ROBO1: variants seen among roughly 807,000 people sequenced by gnomAD.
ROBO1 encodes roundabout guidance receptor 1, also known as roundabout homolog 1.
ROBO1 carries 149 observed loss-of-function variants against 195.9 expected under a neutral mutation model. The observed-to-expected ratio is 0.76, with a 90% CI of 0.67 to 0.87. The LOEUF (loss-of-function observed/expected upper bound fraction) is 0.87. Among genes scored for constraint, ROBO1 ranks in the 40% least tolerant of loss-of-function variants. ROBO1 has a pLI of 0.00. For synonymous variants in ROBO1, 816 were observed against 733.2 expected (o/e 1.11, Z -1.82); for missense variants, 1,933 against 2,068.3 (o/e 0.93, Z 1.27).
chr3:79,372,344 T>C (rs1488876096), intron 2 of ROBO1, among the ~76,000 whole-genome samples: 2 of 152,010 alleles, frequency 1.3e-5, no homozygotes, highest in East Asian at 3.9e-4. Flanking sequence ...GTAGCTGGGA[T>C]TACAGGTGGA....
chr3:79,265,935 C>T (rs975737605), intron 2 of ROBO1, among the ~76,000 whole-genome samples: 4 of 151,146 alleles, frequency 2.6e-5, no homozygotes, highest in Admixed American at 2.0e-4. Context: ...TGAAACAACA[C>T]TAATCCATGA....
chr3:79,607,372 T>C (rs1490405280), intron 1 of ROBO1, among the ~76,000 whole-genome samples: 8 of 151,612 alleles, frequency 5.3e-5, no homozygotes, highest in Admixed American at 5.3e-4. Context: ...GCCTTTAAGT[T>C]ACCCAGTGAG....
At chr3:79,443,644 A>G (rs369237605) in intron 2 of ROBO1, among the ~76,000 whole-genome samples, 1 of 152,332 alleles carries the variant, frequency 6.6e-6, no homozygotes, top group East Asian at 1.9e-4. Flanking sequence ...TACAATATCA[A>G]TGAAAACCCC....
Position 79,680,253 on chromosome 3 carries a change from CA to C in ROBO1, c.-51+87498del, listed in dbSNP as rs1269141421. Among the ~76,000 whole-genome samples, 3 of 151,900 alleles carry C rather than the reference CA, an allele frequency of 2.0e-5. 1 individual carries two copies. The East Asian group carries it at 5.8e-4, about 29-fold the overall frequency. Reference sequence around the variant, plus strand: ...CCAGAGCTAAGTTTATAAATTCACCCAACTCTAATGGAGCACGCAATGCTAC... The same window carrying C: ...CCAGAGCTAAGTTTATAAATTCACCCACTCTAATGGAGCACGCAATGCTAC... On this transcript the variant is annotated intron_variant, in intron 1 of 30. Coordinates refer to ENST00000464233, the MANE Select transcript of ROBO1 (RefSeq NM_002941.4).
At chr3:79,405,107 T>C (rs1392605231) in intron 2 of ROBO1, among the ~76,000 whole-genome samples, 2 of 152,160 alleles carry the variant, frequency 1.3e-5, no homozygotes, top group Non-Finnish European at 2.9e-5. Context: ...AAACATTGTT[T>C]CTTCCCAAAA....
intron 2 of ROBO1, among the ~76,000 whole-genome samples, chr3:79,588,029 T>G (rs1273536607): frequency 6.6e-6 from 1 of 151,740 alleles, no homozygotes; most frequent in Non-Finnish European, 1.5e-5. Context: ...CCTTATTTCT[T>G]TTTAAGACAG....
At chr3:79,480,441 C>T (rs756090501) in intron 2 of ROBO1, among the ~76,000 whole-genome samples, 1 of 152,074 alleles carries the variant, frequency 6.6e-6, no homozygotes, top group Non-Finnish European at 1.5e-5. Flanking sequence ...TCTAGATGGG[C>T]ACACTTCATG....
intron 4 of ROBO1, among the ~76,000 whole-genome samples, chr3:78,851,301 G>T (rs1408322450): frequency 6.6e-6 from 1 of 152,114 alleles, no homozygotes; most frequent in African/African-American, 2.4e-5. Flanking sequence ...ATTACCTTTT[G>T]CTCTTAACTA....
At chr3:78,769,530 G>A (rs747164005) in intron 4 of ROBO1, among the ~76,000 whole-genome samples, 2 of 151,486 alleles carry the variant, frequency 1.3e-5, no homozygotes, top group Non-Finnish European at 2.9e-5. Flanking sequence ...CTTTTAAGTG[G>A]AACATTTAGG....
At chr3:79,471,485 T>A (rs1264014415) in intron 2 of ROBO1, among the ~76,000 whole-genome samples, 16 of 152,226 alleles carry the variant, frequency 1.1e-4, no homozygotes, top group Admixed American at 8.5e-4. Context: ...AAAAGATATC[T>A]TTTTTCTCAC....
intron 2 of ROBO1, among the ~76,000 whole-genome samples, chr3:79,144,878 A>T (rs1283081909): frequency 6.6e-6 from 1 of 151,950 alleles, no homozygotes; most frequent in South Asian, 2.1e-4. Context: ...TAGAGAAAAA[A>T]ATAATATTTT....
At chr3:79,522,362 CCT>C (rs1941246287) in intron 2 of ROBO1, among the ~76,000 whole-genome samples, 1 of 150,602 alleles carries the variant, frequency 6.6e-6, no homozygotes. Flanking sequence ...GTGCTCTCTG[CCT>C]CTGTTCCTGC....
intron 2 of ROBO1, among the ~76,000 whole-genome samples, chr3:79,575,331 AAT>A (rs1458006588): frequency 2.4e-5 from 3 of 126,428 alleles, no homozygotes; most frequent in Admixed American, 9.1e-5. Flanking sequence ...CATATATATA[AAT>A]ATATATAACC....
intron 1 of ROBO1, among the ~76,000 whole-genome samples, chr3:79,626,886 T>C (rs1945196718): frequency 6.6e-6 from 1 of 152,136 alleles, no homozygotes. Context: ...AAATCTTGAA[T>C]GAACTCCGAT....
intron 5 of ROBO1, among the ~76,000 whole-genome samples, chr3:78,730,290 G>A (rs141078722): frequency 1.5e-5 from 1 of 64,576 alleles, no homozygotes; most frequent in African/African-American, 3.0e-5. Context: ...CTAAGATAAA[G>A]CCTTTTCCAG....
At chr3:78,866,263 T>C (rs2035171594) in intron 4 of ROBO1, among the ~76,000 whole-genome samples, 1 of 152,160 alleles carries the variant, frequency 6.6e-6, no homozygotes, top group Admixed American at 6.6e-5. Flanking sequence ...TCAAAAGCAA[T>C]AGAGCATTTA....
chr3:79,339,241 G>T (rs1269016348), intron 2 of ROBO1, among the ~76,000 whole-genome samples: 1 of 152,110 alleles, frequency 6.6e-6, no homozygotes, highest in African/African-American at 2.4e-5. Context: ...GAGTGAGCAG[G>T]TTTAAATGTA....
chr3:79,117,349 G>A (rs558055232), intron 3 of ROBO1, among the ~76,000 whole-genome samples: 5 of 151,698 alleles, frequency 3.3e-5, no homozygotes, highest in East Asian at 3.9e-4. Flanking sequence ...CAGCCTGGGC[G>A]ACAGAGAGAG....
intron 2 of ROBO1, among the ~76,000 whole-genome samples, chr3:79,261,019 A>T (rs1052762811): frequency 3.3e-5 from 5 of 152,088 alleles, no homozygotes; most frequent in African/African-American, 1.2e-4. Flanking sequence ...TATCCACTGA[A>T]GTTACCATTT....
Sources: allele counts gnomAD v4.1 joint callset (sites outside exome capture counted in the v4.1 genomes callset), GRCh38; gene constraint gnomAD v4.1.1; transcripts MANE v1.5; gene names NCBI Gene and HGNC (gene_info 2026-07-23, HGNC 2026-07-21).